Variants in GPIHBP1 observed in about 807,000 individuals in gnomAD.
GPIHBP1 encodes the protein glycosylphosphatidylinositol anchored high density lipoprotein binding protein 1, also known as glycosylphosphatidylinositol-anchored high density lipoprotein-binding protein 1.
A neutral mutation model predicts 13.0 loss-of-function variants in GPIHBP1; 11 were observed. The ratio of observed to expected loss-of-function variants is 0.84; its 90% confidence interval spans 0.53 to 1.40. GPIHBP1 has a LOEUF of 1.40. Among genes scored for constraint, GPIHBP1 ranks in the 40% most tolerant of loss-of-function variants. GPIHBP1 has a pLI of 0.00. For missense variants in GPIHBP1, 231 were observed against 241.1 expected (o/e 0.96, Z 0.28); for synonymous variants, 106 against 102.2 (o/e 1.04, Z -0.22).
rs982134228 is a variant in GPIHBP1, at chr8:143,217,151, T to C, written c.*1633T>C. Reference sequence around the variant, plus strand: ...TCCCCTTACCTGGGTGGGAAATAAATTTCTGCTGTGTTGAAGCTAGTTATT... The same window carrying C: ...TCCCCTTACCTGGGTGGGAAATAAACTTCTGCTGTGTTGAAGCTAGTTATT... On this transcript the variant is annotated 3_prime_UTR_variant, in exon 4 of 4. Coordinates refer to ENST00000622500, the MANE Select transcript of GPIHBP1 (RefSeq NM_178172.6). 3 of 152,214 alleles carry C rather than the reference T, an allele frequency of 2.0e-5. No individual in the cohort carries two copies. The highest frequency in any genetic ancestry group is 7.2e-5 in the African/African-American group (3 of 41,452). 9.4% of individuals were successfully genotyped at this position (152,214 alleles called of 1,614,324 possible).
rs1415274695 is a variant in GPIHBP1 at position 143,214,583 on chromosome 8, A to G, written c.182-430A>G. On this transcript the variant is annotated intron_variant, in intron 2 of 3. Coordinates refer to ENST00000622500, the MANE Select transcript of GPIHBP1 (RefSeq NM_178172.6). This position sits in a 1 kb window ranked among gnomAD's most constrained non-coding sequence, Gnocchi z 4.1. The stretch of plus-strand genomic sequence containing the variant: ...GGGCCCCCAGCATGCCCCACCACAC[A>G]CAGCCCACCCCCCTCCCAGGAGCCC... Among the ~76,000 whole-genome samples, 1 of 143,476 alleles carries G rather than the reference A, an allele frequency of 7.0e-6. No homozygotes were observed. Among genetic ancestry groups the G allele is most frequent in the East Asian group, 2.0e-4 (1 of 5,068 alleles). 94.1% of individuals were successfully genotyped at this position (143,476 alleles called of 152,430 possible). A position where few individuals can be genotyped will look rare whatever the true frequency, so the allele number is the denominator to read the frequency against.
At chr8:143,215,233 C>T (rs745681552) in intron 3 of GPIHBP1, 26 bp from the exon 4 acceptor site, 3 of 1,613,030 alleles carry the variant, frequency 1.9e-6, no homozygotes, top group East Asian at 2.2e-5. Context: ...CCATCCTCAG[C>T]ACTTGTTCCC....
At position 143,215,021 on chromosome 8, in the gene GPIHBP1, C is replaced by T. The variant is rs556559035; in HGVS notation, c.190C>T (p.Arg64Trp). The T allele has an allele frequency of 6.4e-5, 100 of 1,573,526 alleles. No individual in the cohort carries two copies. The East Asian group carries it at 2.0e-3, about 31-fold the overall frequency. Reference sequence around the variant, plus strand: ...GCCCGCCTTGTCCCCAGTGCTGCTGCGGTGCTACACCTGCAAGTCCCTGCC... The same window carrying T: ...GCCCGCCTTGTCCCCAGTGCTGCTGTGGTGCTACACCTGCAAGTCCCTGCC... ...LPGGRSRVLLRCYTCKSLPRD... is the reference protein window; with the variant it reads ...LPGGRSRVLLWCYTCKSLPRD... Residue 64 changes from arginine (R) to tryptophan (W), a missense_variant, in exon 3 of 4, where the codon CGG becomes TGG. By Grantham distance (101) the Arg-to-Trp change is moderately radical (BLOSUM62 -3). Coordinates refer to ENST00000622500, the MANE Select transcript of GPIHBP1 (RefSeq NM_178172.6).
chr8:143,213,227 C>T lies in GPIHBP1; in HGVS notation c.-41C>T, dbSNP rs780902806. On this transcript the variant is annotated 5_prime_UTR_variant, in exon 1 of 4. Coordinates refer to ENST00000622500, the MANE Select transcript of GPIHBP1 (RefSeq NM_178172.6). ...CACTTACCGCAGCTCCAGAGCCCTG[C>T]GGGAGGACTCAGAGTCAGGGACACA... 1.2e-5 allele frequency: 19 copies of T among 1,564,476 alleles called. No individual in the cohort carries two copies. In the South Asian group the frequency reaches 2.1e-4, roughly 17 times the overall value.
chr8:143,215,352 G>A lies in GPIHBP1; in HGVS notation c.389G>A (p.Cys130Tyr). 2 of 1,612,842 alleles carry A rather than the reference G, an allele frequency of 1.2e-6. No homozygotes were observed. The highest frequency in any genetic ancestry group is 1.7e-6 in the Non-Finnish European group (2 of 1,180,004). Residue 130 changes from cysteine (C) to tyrosine (Y), a missense_variant, in exon 4 of 4, where the codon TGC becomes TAC. Coordinates refer to ENST00000622500, the MANE Select transcript of GPIHBP1 (RefSeq NM_178172.6). ...GAGGGGACCCAGGTGACCATGACCT[G>A]CTGCCAGTCCAGCCTGTGCAATGTC... ...TVEGTQVTMTCCQSSLCNVPP... is the reference protein window; with the variant it reads ...TVEGTQVTMTYCQSSLCNVPP...
Position 143,213,854 on chromosome 8 carries a change from G to T in GPIHBP1, c.85G>T (p.Glu29Ter). Residue 29 changes from glutamate (E) to a stop codon, truncating the protein, a stop_gained, in exon 2 of 4, where the codon GAG becomes TAG. Transcript: ENST00000622500. LOFTEE classifies it high-confidence loss of function. ...GCAGACACAGCAGGAGGAAGAGGAA[G>T]AGGACGAGGACCACGGGCCAGATGA... ...RGQTQQEEEE[E>*]DEDHGPDDYD... The T allele has an allele frequency of 1.3e-6, 2 of 1,558,558 alleles. No individual in the cohort carries two copies. Among genetic ancestry groups the T allele is most frequent in the Middle Eastern group, 1.7e-4 (1 of 6,000 alleles).
chr8:143,216,872 CG>C lies in GPIHBP1; in HGVS notation c.*1357del, dbSNP rs1816320168. The C allele has an allele frequency of 6.6e-6, 1 of 152,228 alleles. No individual in the cohort carries two copies. The highest frequency in any genetic ancestry group is 1.5e-5 in the Non-Finnish European group (1 of 68,068). The allele number at this position is 152,228 out of a possible 1,614,324, so 9.4% of individuals were successfully genotyped here. Reference sequence around the variant, plus strand: ...CTGCCAAGTTCATCCTGGTGGACAGCGGGAGGCCTCCGCTAACTGTTCTCTT... The same window carrying C: ...CTGCCAAGTTCATCCTGGTGGACAGCGGAGGCCTCCGCTAACTGTTCTCTT... On this transcript the variant is annotated 3_prime_UTR_variant, in exon 4 of 4. Coordinates refer to ENST00000622500, the MANE Select transcript of GPIHBP1 (RefSeq NM_178172.6).
rs1390812734 is a variant in GPIHBP1 at position 143,217,158 on chromosome 8, T to C, written c.*1640T>C. 6.6e-6 allele frequency: 1 copy of C among 152,220 alleles called. No individual in the cohort carries two copies. Among genetic ancestry groups the C allele is most frequent in the Non-Finnish European group, 1.5e-5 (1 of 68,024 alleles). 9.4% of individuals were successfully genotyped at this position (152,220 alleles called of 1,614,324 possible). A position where few individuals can be genotyped will look rare whatever the true frequency, so the allele number is the denominator to read the frequency against. On this transcript the variant is annotated 3_prime_UTR_variant, in exon 4 of 4. Coordinates refer to ENST00000622500, the MANE Select transcript of GPIHBP1 (RefSeq NM_178172.6). ...ACCTGGGTGGGAAATAAATTTCTGC[T>C]GTGTTGAAGCTAGTTATTTGGGGTG...
At chr8:143,213,706 C>G in intron 1 of GPIHBP1, 116 bp from the exon 2 acceptor site, 1 of 1,476,082 alleles carries the variant, frequency 6.8e-7, no homozygotes, top group African/African-American at 1.4e-5. Context: ...CCCCAGCCAC[C>G]CTGGGGCCCG....
rs529580108 is a variant in GPIHBP1 at position 143,213,280 on chromosome 8, G to A, written c.13G>A (p.Gly5Arg). MKALGAVLLALLLFG... is the reference protein window; with the variant it reads MKALRAVLLALLLFG... ...AGCGTCCGGCGAGATGAAGGCGCTC[G>A]GGGCTGTCCTGCTTGCCCTCTTGCT... Residue 5 changes from glycine to arginine, a missense_variant, in exon 1 of 4, where the codon GGG (glycine) becomes AGG (arginine). Gly to Arg is a moderately radical substitution (Grantham distance 125). Transcript: ENST00000622500. 177 of 1,596,868 alleles carry A rather than the reference G, an allele frequency of 1.1e-4. No homozygotes were observed. Among genetic ancestry groups the A allele is most frequent in the African/African-American group, 2.5e-4 (19 of 74,990 alleles).
chr8:143,215,250 C>T lies in GPIHBP1; in HGVS notation c.296-9C>T, dbSNP rs201256271. The T allele has an allele frequency of 2.3e-3, 3,657 of 1,613,060 alleles. 8 individuals carry two copies. The highest frequency in any genetic ancestry group is 2.9e-3 in the Non-Finnish European group (3,399 of 1,179,978). On this transcript the variant is annotated splice_polypyrimidine_tract_variant and intron_variant, in intron 3 of 3. Transcript: ENST00000622500. ...ATCCTCAGCACTTGTTCCCCACTCC[C>T]CTTCCCAGAGTCAGGCCTCCTGACC...
Position 143,215,245 on chromosome 8 carries a change from A to T in GPIHBP1, c.296-14A>T. ...CGCCCATCCTCAGCACTTGTTCCCC[A>T]CTCCCCTTCCCAGAGTCAGGCCTCC... On this transcript the variant is annotated splice_polypyrimidine_tract_variant and intron_variant, in intron 3 of 3. Transcript: ENST00000622500. 6.2e-7 allele frequency: 1 copy of T among 1,612,522 alleles called. No individual in the cohort carries two copies. The highest frequency in any genetic ancestry group is 8.5e-7 in the Non-Finnish European group (1 of 1,179,864).
In GPIHBP1 at chr8:143,215,329, G is replaced by A. The variant is rs1421771702; in HGVS notation, c.366G>A (p.Glu122=). 1 of 1,612,858 alleles carries A rather than the reference G, an allele frequency of 6.2e-7. No homozygotes were observed. The highest frequency in any genetic ancestry group is 1.3e-5 in the African/African-American group (1 of 75,042). The change falls in exon 4 of 4, where the codon GAG becomes GAA. Residue 122 remains glutamate (E), a synonymous_variant. Transcript: ENST00000622500. ...GCCAGCCCATCACCAAGACGGTGGA[G>A]GGGACCCAGGTGACCATGACCTGCT... ...DSCQPITKTV[E]GTQVTMTCCQ...
chr8:143,214,963 GA>G lies in GPIHBP1; in HGVS notation c.182-49del. The G allele has an allele frequency of 7.8e-7, 1 of 1,274,526 alleles. No homozygotes were observed. The highest frequency in any genetic ancestry group is 1.1e-6 in the Non-Finnish European group (1 of 897,360). 79.0% of individuals were successfully genotyped at this position (1,274,526 alleles called of 1,614,324 possible). ...AACGGGGAGGTGGACAGGGACGTGG[GA>G]GGAGACCCTGGGGGGCCCGGCCTCG... On this transcript the variant is annotated intron_variant, in intron 2 of 3. Transcript: ENST00000622500. The surrounding 1 kb of genome is among the most constrained non-coding windows in gnomAD (Gnocchi z 4.1).
rs1273791515 is a variant in GPIHBP1 at position 143,216,625 on chromosome 8, C to T, written c.*1107C>T. 1 of 152,290 alleles carries T rather than the reference C, an allele frequency of 6.6e-6. No homozygotes were observed. The highest frequency in any genetic ancestry group is 2.4e-5 in the African/African-American group (1 of 41,440). 9.4% of individuals were successfully genotyped at this position (152,290 alleles called of 1,614,324 possible). On this transcript the variant is annotated 3_prime_UTR_variant, in exon 4 of 4. Coordinates refer to ENST00000622500, the MANE Select transcript of GPIHBP1 (RefSeq NM_178172.6). ...ATTACAGGGGGGTCCCCAGGGTGTC[C>T]TCTGGCAGGGCTGTGACTGCTGCAA...
At position 143,213,855 on chromosome 8, in the gene GPIHBP1, A is replaced by C; in HGVS notation, c.86A>C (p.Glu29Ala). The C allele has an allele frequency of 9.0e-6, 14 of 1,558,556 alleles. No homozygotes were observed. Among genetic ancestry groups the C allele is most frequent in the Non-Finnish European group, 1.2e-5 (14 of 1,151,210 alleles). ...RGQTQQEEEEEDEDHGPDDYD... is the reference protein window; with the variant it reads ...RGQTQQEEEEADEDHGPDDYD... The stretch of plus-strand genomic sequence containing the variant: ...CAGACACAGCAGGAGGAAGAGGAAG[A>C]GGACGAGGACCACGGGCCAGATGAC... The change falls in exon 2 of 4, where the codon GAG becomes GCG. Residue 29 changes from glutamate to alanine, a missense_variant. Physicochemically the swap from Glu to Ala is moderately radical, Grantham distance 107. Transcript: ENST00000622500.
rs1319084123 is a variant in GPIHBP1, at chr8:143,215,107, C to T, written c.276C>T (p.Leu92=). Residue 92 remains leucine, a synonymous_variant, in exon 3 of 4, where the codon CTC becomes CTT. Transcript: ENST00000622500. ...NCSHGQTCTT[L]IAHGNTESGL... ...CACATGGCCAGACCTGCACAACCCT[C>T]ATTGCCCACGGGAACACCGGTAAGT... 1 of 1,612,618 alleles carries T rather than the reference C, an allele frequency of 6.2e-7. No individual in the cohort carries two copies. Among genetic ancestry groups the T allele is most frequent in the Non-Finnish European group, 8.5e-7 (1 of 1,179,756 alleles).
In GPIHBP1 at chr8:143,214,681, G is replaced by T. The variant is rs1027154334; in HGVS notation, c.182-332G>T. Among the ~76,000 whole-genome samples, 6 of 152,098 alleles carry T rather than the reference G, an allele frequency of 3.9e-5. No individual in the cohort carries two copies. The highest frequency in any genetic ancestry group is 8.8e-5 in the Non-Finnish European group (6 of 68,022). Reference sequence around the variant, plus strand: ...CCCCTGTGAGGCCCTCCTCTGCCAGGCCTGGTGCTCCTGGAGGCAGGACTG... The same window carrying T: ...CCCCTGTGAGGCCCTCCTCTGCCAGTCCTGGTGCTCCTGGAGGCAGGACTG... On this transcript the variant is annotated intron_variant, in intron 2 of 3. Coordinates refer to ENST00000622500, the MANE Select transcript of GPIHBP1 (RefSeq NM_178172.6). The surrounding 1 kb of genome is among the most constrained non-coding windows in gnomAD (Gnocchi z 4.1).
Position 143,217,004 on chromosome 8 carries a change from G to C in GPIHBP1, c.*1486G>C, listed in dbSNP as rs1430394539. On this transcript the variant is annotated 3_prime_UTR_variant, in exon 4 of 4. Coordinates refer to ENST00000622500, the MANE Select transcript of GPIHBP1 (RefSeq NM_178172.6). ...CTCCTTCTCCTTCCTCCTTCTGCTG[G>C]CTGAAGTGATGACTGGAGCTCAGCA... 3 of 152,268 alleles carry C rather than the reference G, an allele frequency of 2.0e-5. No homozygotes were observed. Among genetic ancestry groups the C allele is most frequent in the African/African-American group, 7.2e-5 (3 of 41,406 alleles). 9.4% of individuals were successfully genotyped at this position (152,268 alleles called of 1,614,324 possible). A position where few individuals can be genotyped will look rare whatever the true frequency, so the allele number is the denominator to read the frequency against.
Sources: allele counts gnomAD v4.1 joint callset (sites outside exome capture counted in the v4.1 genomes callset), GRCh38; gene constraint gnomAD v4.1.1; non-coding constraint Gnocchi (gnomAD v3.1); transcripts MANE v1.5; gene names NCBI Gene and HGNC (gene_info 2026-07-23, HGNC 2026-07-21).